ATG7: variants seen among roughly 807,000 people sequenced by gnomAD.
ATG7 encodes autophagy related 7.
A neutral mutation model predicts 82.4 loss-of-function variants in ATG7; 70 were observed. That is an observed-to-expected ratio of 0.85 (90% CI 0.70 to 1.04). The LOEUF (loss-of-function observed/expected upper bound fraction) is 1.04, where lower values mean the gene tolerates loss of function less well. Ranked by LOEUF, ATG7 falls within the 50% of genes least tolerant of loss-of-function variation. ATG7 has a pLI of 0.00. For synonymous variants in ATG7, 287 were observed against 313.0 expected (o/e 0.92, Z 0.88); for missense variants, 792 against 864.3 (o/e 0.92, Z 1.05).
chr3:11,369,334 T>C lies in ATG7; in HGVS notation c.1875+4600T>C, dbSNP rs942222118. On this transcript the variant is annotated intron_variant, in intron 18 of 20. Transcript: ENST00000693202. ...GGTTCTAAACCTCTCTGGTTGATGA[T>C]GATGGATATAGCAGAAAAAATGGGC... is the stretch of plus-strand genomic sequence containing the variant. Among the ~76,000 whole-genome samples, 7 of 150,946 alleles carry C rather than the reference T, an allele frequency of 4.6e-5. 1 individual carries two copies. Among genetic ancestry groups the C allele is most frequent in the Non-Finnish European group, 8.9e-5 (6 of 67,756 alleles).
intron 1 of ATG7, among the ~76,000 whole-genome samples, chr3:11,280,071 G>A (rs928191662): frequency 6.7e-6 from 1 of 149,786 alleles, no homozygotes; most frequent in African/African-American, 2.5e-5. Context: ...TTTTGAGACA[G>A]AGTCTTGCTG....
intron 20 of ATG7, among the ~76,000 whole-genome samples, chr3:11,432,735 A>G (rs943964091): frequency 6.6e-5 from 10 of 152,180 alleles, no homozygotes; most frequent in Admixed American, 1.3e-4. Context: ...TAGGAGGTTC[A>G]ATGGAAGAAA....
At chr3:11,476,458 T>C (rs1433489916) in intron 20 of ATG7, among the ~76,000 whole-genome samples, 1 of 150,706 alleles carries the variant, frequency 6.6e-6, no homozygotes, top group Non-Finnish European at 1.5e-5. Flanking sequence ...TGAGAACTAC[T>C]GTTTGCTAGA....
chr3:11,276,018 T>C (rs1358836612), intron 1 of ATG7, among the ~76,000 whole-genome samples: 1 of 152,208 alleles, frequency 6.6e-6, no homozygotes, highest in Non-Finnish European at 1.5e-5. Flanking sequence ...AGCTCCATTA[T>C]AGACACATTG....
chr3:11,437,735 T>A (rs2083490784), intron 20 of ATG7, among the ~76,000 whole-genome samples: 1 of 152,212 alleles, frequency 6.6e-6, no homozygotes, highest in African/African-American at 2.4e-5. Flanking sequence ...CGACGTCTTA[T>A]CACAGTTCGC....
chr3:11,561,372 T>C (rs1292315144), downstream of ATG7, among the ~76,000 whole-genome samples: 1 of 152,156 alleles, frequency 6.6e-6, no homozygotes, highest in Non-Finnish European at 1.5e-5. Context: ...GCTGGCTGAC[T>C]GGTATCAGAC....
chr3:11,557,392 G>A lies in ATG7; in HGVS notation c.*2549G>A, dbSNP rs1040361311. On this transcript the variant is annotated 3_prime_UTR_variant, in exon 21 of 21. Transcript: ENST00000693202. The stretch of plus-strand genomic sequence containing the variant: ...AGTTCAAAGGGAGCAGTTTCTGCAT[G>A]TAGGGAAGTTGGAAGACACAAACCC... 6.5e-6 allele frequency: 1 copy of A among 152,788 alleles called. No homozygotes were observed. The allele number at this position is 152,788 out of a possible 1,614,324, so 9.5% of individuals were successfully genotyped here.
intron 20 of ATG7, among the ~76,000 whole-genome samples, chr3:11,515,092 G>C (rs893321413): frequency 6.6e-6 from 1 of 152,140 alleles, no homozygotes; most frequent in Non-Finnish European, 1.5e-5. Context: ...GCCCTCCTCA[G>C]CCTACCAAAG....
downstream of ATG7, chr3:11,559,517 G>A (rs907934417): frequency 1.0e-5 from 15 of 1,481,618 alleles, no homozygotes; most frequent in Non-Finnish European, 1.3e-5. Context: ...CCACCCCTGG[G>A]GCCCTCCCCA....
chr3:11,416,777 G>A (rs2081404835), intron 19 of ATG7, among the ~76,000 whole-genome samples: 1 of 151,932 alleles, frequency 6.6e-6, no homozygotes, highest in African/African-American at 2.4e-5. Context: ...TGTTACCTAA[G>A]GTGTAAGATC....
intron 19 of ATG7, among the ~76,000 whole-genome samples, chr3:11,418,342 G>A (rs895855945): frequency 6.6e-6 from 1 of 151,212 alleles, no homozygotes. Flanking sequence ...TGAACTCCTG[G>A]ACTCAAGTGA....
intron 4 of ATG7, 176 bp from the exon 5 acceptor site, chr3:11,299,186 G>C (rs1946405913): frequency 1.6e-6 from 1 of 626,510 alleles, no homozygotes; most frequent in Non-Finnish European, 2.8e-6. Flanking sequence ...CAAGAGCTCT[G>C]TCACATTCTG....
chr3:11,534,071 T>G (rs140840348), intron 20 of ATG7, among the ~76,000 whole-genome samples: 2,138 of 152,234 alleles, frequency 0.014, 44 homozygotes, highest in African/African-American at 0.046. Context: ...GCAGAAAGCC[T>G]CCTCCTCCCC....
At chr3:11,289,286 C>T (rs545950401) in intron 3 of ATG7, among the ~76,000 whole-genome samples, 1 of 152,190 alleles carries the variant, frequency 6.6e-6, no homozygotes, top group Non-Finnish European at 1.5e-5. Flanking sequence ...CTGTCTATGA[C>T]TCACTTCCCC....
intron 20 of ATG7, among the ~76,000 whole-genome samples, chr3:11,455,251 G>T (rs2085590259): frequency 6.6e-6 from 1 of 152,124 alleles, no homozygotes; most frequent in South Asian, 2.1e-4. Flanking sequence ...ATTTTAAGTA[G>T]AACTTAACTA....
rs544846366 is a variant in ATG7, at chr3:11,534,877, C to T, written c.2080-19934C>T. On this transcript the variant is annotated intron_variant, in intron 20 of 20. Transcript: ENST00000693202. The stretch of plus-strand genomic sequence containing the variant: ...CTTCTTCCCCAGGCTCAGCCCAATG[C>T]GCTTCAGGCCCACGTAGGCGCAGCC... Among the ~76,000 whole-genome samples, 85 of 152,372 alleles carry T rather than the reference C, an allele frequency of 5.6e-4. 1 individual carries two copies. The South Asian group carries it at 0.016, about 29-fold the overall frequency.
chr3:11,281,641 G>A (rs189392704), intron 2 of ATG7, among the ~76,000 whole-genome samples: 115 of 152,092 alleles, frequency 7.6e-4, no homozygotes, highest in Admixed American at 1.4e-3. Flanking sequence ...GGGCGTAGTG[G>A]CGGGCGCCCA....
At chr3:11,294,074 T>C (rs1254102698) in intron 3 of ATG7, among the ~76,000 whole-genome samples, 1 of 149,810 alleles carries the variant, frequency 6.7e-6, no homozygotes, top group Non-Finnish European at 1.5e-5. Context: ...AGGAGAGGGC[T>C]GAGCATGGAA....
At chr3:11,364,153 T>A (rs2076449128) in intron 17 of ATG7, among the ~76,000 whole-genome samples, 1 of 152,254 alleles carries the variant, frequency 6.6e-6, no homozygotes, top group African/African-American at 2.4e-5. Flanking sequence ...GTATTAGTTC[T>A]GCCCAATTCA....
Sources: gnomAD v4.1 joint callset for allele counts (sites outside exome capture counted in the v4.1 genomes callset) on GRCh38, gnomAD v4.1.1 for gene constraint, MANE v1.5 for transcripts, NCBI Gene and HGNC (gene_info 2026-07-23, HGNC 2026-07-21) for gene names.